TMEM117: variants seen among roughly 807,000 people sequenced by gnomAD.
The protein encoded by TMEM117 is transmembrane protein 117.
In TMEM117, 27 loss-of-function variants were observed where a neutral mutation model predicts 52.4. The ratio of observed to expected loss-of-function variants is 0.51; its 90% CI spans 0.38 to 0.71. TMEM117 has a LOEUF of 0.71. Among genes scored for constraint, TMEM117 ranks in the 30% least tolerant of loss-of-function variants. TMEM117 has a pLI of 0.00. For missense variants in TMEM117, 556 were observed against 630.5 expected, an observed-to-expected ratio of 0.88 and a Z score of 1.26; for synonymous variants, 215 against 206.3, an observed-to-expected ratio of 1.04 and a Z score of -0.36.
At chr12:44,103,850 T>C (rs985630150) in intron 3 of TMEM117, among the ~76,000 whole-genome samples, 1 of 152,084 alleles carries the variant, frequency 6.6e-6, no homozygotes, top group Non-Finnish European at 1.5e-5. Context: ...CTTCACTAGA[T>C]TTCCCCCTCA....
At chr12:44,287,441 CT>C (rs1950651876) in intron 5 of TMEM117, among the ~76,000 whole-genome samples, 1 of 152,156 alleles carries the variant, frequency 6.6e-6, no homozygotes, top group Non-Finnish European at 1.5e-5. Context: ...GATTAAACAT[CT>C]TTTCCACCAT....
intron 5 of TMEM117, among the ~76,000 whole-genome samples, chr12:44,293,795 T>C (rs535639133): frequency 6.6e-6 from 1 of 152,168 alleles, no homozygotes; most frequent in Non-Finnish European, 1.5e-5. Context: ...TTTTTAATAC[T>C]TTTGTTTCTT....
At chr12:43,986,209 T>C (rs1945844556) in intron 3 of TMEM117, among the ~76,000 whole-genome samples, 1 of 152,182 alleles carries the variant, frequency 6.6e-6, no homozygotes, top group South Asian at 2.1e-4. Flanking sequence ...TTGTTAATGT[T>C]AAAATGATAG....
intron 3 of TMEM117, among the ~76,000 whole-genome samples, chr12:44,000,266 C>T (rs1441020854): frequency 6.6e-6 from 1 of 152,152 alleles, no homozygotes; most frequent in African/African-American, 2.4e-5. Context: ...CTCGAGGTTT[C>T]TCTTGGATAG....
At chr12:44,240,567 T>C (rs974569702) in intron 5 of TMEM117, among the ~76,000 whole-genome samples, 2 of 152,110 alleles carry the variant, frequency 1.3e-5, no homozygotes, top group Non-Finnish European at 2.9e-5. Context: ...ATTTCTTTTG[T>C]ATCACTTAAG....
intron 4 of TMEM117, among the ~76,000 whole-genome samples, chr12:44,174,594 C>A (rs1949093240): frequency 6.6e-6 from 1 of 152,118 alleles, no homozygotes; most frequent in Admixed American, 6.6e-5. Context: ...TAAAGTCATT[C>A]ATTTATTTAT....
chr12:44,321,040 C>T (rs1048231769), intron 6 of TMEM117, among the ~76,000 whole-genome samples: 8 of 152,122 alleles, frequency 5.3e-5, no homozygotes, highest in African/African-American at 1.9e-4. Context: ...TTTAGAATTT[C>T]GGATCAATGT....
intron 3 of TMEM117, among the ~76,000 whole-genome samples, chr12:43,993,464 A>G (rs765736113): frequency 2.0e-4 from 30 of 152,182 alleles, no homozygotes; most frequent in Non-Finnish European, 4.1e-4. Flanking sequence ...AGATGTAAGC[A>G]TTTCCTAAGC....
intron 4 of TMEM117, among the ~76,000 whole-genome samples, chr12:44,162,406 T>G (rs1181170753): frequency 6.6e-6 from 1 of 152,166 alleles, no homozygotes; most frequent in South Asian, 2.1e-4. Context: ...CTGAATGGTG[T>G]TGGACAAAGT....
intron 6 of TMEM117, among the ~76,000 whole-genome samples, chr12:44,358,527 C>T (rs1277401673): frequency 6.6e-6 from 1 of 151,986 alleles, no homozygotes; most frequent in Non-Finnish European, 1.5e-5. Context: ...ATACACAATC[C>T]CTCATGTCAC....
At chr12:44,367,315 T>C (rs977646204) in intron 6 of TMEM117, among the ~76,000 whole-genome samples, 6 of 152,112 alleles carry the variant, frequency 3.9e-5, no homozygotes, top group Admixed American at 2.0e-4. Flanking sequence ...GTCTTATCAA[T>C]ATCAACAACC....
intron 4 of TMEM117, among the ~76,000 whole-genome samples, chr12:44,191,991 T>G (rs1048902375): frequency 3.3e-5 from 5 of 152,184 alleles, no homozygotes; most frequent in Admixed American, 2.0e-4. Flanking sequence ...CAAATTTTAT[T>G]GATGTATGTA....
chr12:44,051,039 CAAT>C (rs1344582786), intron 3 of TMEM117, among the ~76,000 whole-genome samples: 1 of 152,128 alleles, frequency 6.6e-6, no homozygotes, highest in Non-Finnish European at 1.5e-5. Context: ...TTGAAGACAA[CAAT>C]AATAATCTCT....
rs1244597058 is a variant in TMEM117 at position 43,946,378 on chromosome 12, G to GTTTTTTTTTTTTTTTTTTTTTTTTTTTT, written c.410+2052_410+2053insTTTTTTTTTTTTTTTTTTTTTTTTTTTT. ...AGAAGCTGACTTTTGATATAATTCT[G>GTTTTTTTTTTTTTTTTTTTTTTTTTTTT]TTTTTTTTTTTTTTTTGTTTGTTTT... is the stretch of plus-strand genomic sequence containing the variant. On this transcript the variant is annotated intron_variant, in intron 3 of 7. Coordinates refer to ENST00000266534, the MANE Select transcript of TMEM117 (RefSeq NM_032256.3). 4.4e-5 allele frequency among the ~76,000 whole-genome samples: 5 copies of GTTTTTTTTTTTTTTTTTTTTTTTTTTTT among 113,494 alleles called. 1 individual carries two copies. Among genetic ancestry groups the GTTTTTTTTTTTTTTTTTTTTTTTTTTTT allele is most frequent in the Non-Finnish European group, 5.2e-5 (3 of 57,436 alleles). 74.5% of individuals were successfully genotyped at this position (113,494 alleles called of 152,430 possible).
intron 5 of TMEM117, among the ~76,000 whole-genome samples, chr12:44,212,424 G>A (rs1290473065): frequency 6.6e-6 from 1 of 152,116 alleles, no homozygotes; most frequent in Non-Finnish European, 1.5e-5. Context: ...TATTGATGCT[G>A]GCAATTTGGG....
chr12:44,220,823 G>A (rs1949779068), intron 5 of TMEM117, among the ~76,000 whole-genome samples: 1 of 152,122 alleles, frequency 6.6e-6, no homozygotes, highest in South Asian at 2.1e-4. Context: ...GAGAAATTTG[G>A]TCAACAAAAT....
chr12:43,984,139 G>A (rs1434577818), intron 3 of TMEM117, among the ~76,000 whole-genome samples: 3 of 152,044 alleles, frequency 2.0e-5, no homozygotes, highest in South Asian at 4.1e-4. Context: ...AGGCCTAGGC[G>A]GGTGGGTCAC....
chr12:43,948,269 T>G (rs1344129509), intron 3 of TMEM117, among the ~76,000 whole-genome samples: 1 of 152,054 alleles, frequency 6.6e-6, no homozygotes, highest in African/African-American at 2.4e-5. Flanking sequence ...GCACCTCTGT[T>G]CCTTATACCA....
chr12:44,244,161 C>A (rs375860913), intron 5 of TMEM117, among the ~76,000 whole-genome samples: 1 of 151,862 alleles, frequency 6.6e-6, no homozygotes, highest in Non-Finnish European at 1.5e-5. Flanking sequence ...TGCTGGATCA[C>A]GTGGTAATTA....
Sources: gnomAD v4.1 joint callset for allele counts (sites outside exome capture counted in the v4.1 genomes callset) on GRCh38, gnomAD v4.1.1 for gene constraint, MANE v1.5 for transcripts, NCBI Gene and HGNC (gene_info 2026-07-23, HGNC 2026-07-21) for gene names.